The following DCLK1 variants were observed in gnomAD, a reference collection of about 807,000 sequenced individuals.
The protein encoded by DCLK1 is serine/threonine-protein kinase DCLK1.
DCLK1 carries 16 observed loss-of-function variants against 86.2 expected under a neutral mutation model. The ratio of observed to expected loss-of-function variants is 0.19; its 90% CI spans 0.13 to 0.28. The LOEUF is 0.28. DCLK1 is among the 10% of genes least tolerant of loss of function. The pLI is 1.00. For missense variants in DCLK1, 590 were observed against 940.2 expected (o/e 0.63, Z 4.87); for synonymous variants, 369 against 370.5 (o/e 1.00, Z 0.05).
intron 3 of DCLK1, among the ~76,000 whole-genome samples, chr13:35,954,348 C>T (rs1367554970): frequency 6.6e-6 from 1 of 152,104 alleles, no homozygotes; most frequent in East Asian, 1.9e-4. Flanking sequence ...GGCTCCTCGT[C>T]CTGCCAAAAC....
chr13:35,868,415 T>C (rs1872012047), intron 5 of DCLK1, among the ~76,000 whole-genome samples: 1 of 152,210 alleles, frequency 6.6e-6, no homozygotes, highest in Non-Finnish European at 1.5e-5. Flanking sequence ...ATATCTGTAA[T>C]ATAAAACACA....
chr13:35,989,930 T>G, intron 3 of DCLK1, among the ~76,000 whole-genome samples: 1 of 152,298 alleles, frequency 6.6e-6, no homozygotes, highest in East Asian at 1.9e-4. Flanking sequence ...ATAACTGATA[T>G]GTGATAAACT....
At chr13:36,081,902 C>T (rs1392098453) in intron 3 of DCLK1, among the ~76,000 whole-genome samples, 1 of 152,172 alleles carries the variant, frequency 6.6e-6, no homozygotes, top group East Asian at 1.9e-4. Flanking sequence ...AACAACAACG[C>T]TATAAGACCA....
chr13:35,814,734 G>A (rs1266212972), intron 11 of DCLK1, among the ~76,000 whole-genome samples: 1 of 152,212 alleles, frequency 6.6e-6, no homozygotes. Context: ...CTATTAAAGG[G>A]ACAGGGATTA....
At chr13:35,860,415 G>T (rs1871314275) in intron 5 of DCLK1, among the ~76,000 whole-genome samples, 1 of 151,950 alleles carries the variant, frequency 6.6e-6, no homozygotes, top group Non-Finnish European at 1.5e-5. Flanking sequence ...TTAGCTTCTT[G>T]GGTGCTCACC....
At chr13:36,096,925 C>T (rs1190383717) in intron 3 of DCLK1, among the ~76,000 whole-genome samples, 3 of 152,132 alleles carry the variant, frequency 2.0e-5, no homozygotes, top group Non-Finnish European at 2.9e-5. Context: ...CTCAGAAATG[C>T]CGTATGTGCA....
intron 3 of DCLK1, among the ~76,000 whole-genome samples, chr13:35,974,155 T>G (rs550119870): frequency 6.6e-6 from 1 of 152,304 alleles, no homozygotes; most frequent in African/African-American, 2.4e-5. Context: ...TCGTTGAGCA[T>G]TTGTTATTTG....
intron 3 of DCLK1, among the ~76,000 whole-genome samples, chr13:36,016,540 T>C (rs1349791417): frequency 6.6e-6 from 1 of 152,096 alleles, no homozygotes; most frequent in African/African-American, 2.4e-5. Context: ...AGCCAATAAT[T>C]ACCAAACAGT....
chr13:35,984,786 C>G (rs1002825366), intron 3 of DCLK1, among the ~76,000 whole-genome samples: 1 of 152,270 alleles, frequency 6.6e-6, no homozygotes. Flanking sequence ...CACTACCCCC[C>G]AGGCTTCTGT....
chr13:35,840,482 G>A (rs957691428), intron 6 of DCLK1, among the ~76,000 whole-genome samples: 1 of 152,096 alleles, frequency 6.6e-6, no homozygotes, highest in Admixed American at 6.6e-5. Flanking sequence ...GACACCATTG[G>A]GATGAAAGTT....
In DCLK1 at chr13:35,805,755, C is replaced by G; in HGVS notation, c.1888G>C (p.Val630Leu). Reference sequence around the variant, plus strand: ...GCAGAAAATCGCTGATCTACATCGACCAACAGCATCATGGTAATGAGCTCC... The same window carrying G: ...GCAGAAAATCGCTGATCTACATCGAGCAACAGCATCATGGTAATGAGCTCC... The part of the protein sequence containing the change: ...AKELITMMLL[V>L]DVDQRFSAVQ... The change falls in exon 15 of 17, where the codon GTC becomes CTC. Residue 630 changes from valine (V) to leucine (L), a missense_variant. By Grantham distance (32) the Val-to-Leu change is conservative. This residue lies in a region of DCLK1 where 146 missense variants were observed against 190.2 expected (regional missense o/e 0.77). Coordinates refer to ENST00000360631, the MANE Select transcript of DCLK1 (RefSeq NM_001330071.2). 1 of 1,613,712 alleles carries G rather than the reference C, an allele frequency of 6.2e-7. No homozygotes were observed. Among genetic ancestry groups the G allele is most frequent in the East Asian group, 2.2e-5 (1 of 44,834 alleles).
intron 3 of DCLK1, among the ~76,000 whole-genome samples, chr13:36,058,430 G>A (rs766474324): frequency 6.6e-6 from 1 of 152,208 alleles, no homozygotes; most frequent in Non-Finnish European, 1.5e-5. Context: ...TCAGGACTGA[G>A]AGGGAGATCT....
Position 36,037,779 on chromosome 13 carries a change from C to T in DCLK1, c.723+74090G>A, listed in dbSNP as rs187460333. ...GATTACAGGCATGAGCCACCATGCC[C>T]GGCCACCCTGATGTGATCTTTACAC... On this transcript the variant is annotated intron_variant, in intron 3 of 16. Transcript: ENST00000360631. Among the ~76,000 whole-genome samples, 308 of 152,124 alleles carry T rather than the reference C, an allele frequency of 2.0e-3. 1 individual carries two copies. Among genetic ancestry groups the T allele is most frequent in the African/African-American group, 7.2e-3 (298 of 41,490 alleles).
chr13:35,892,235 T>A lies in DCLK1; in HGVS notation c.824-20895A>T, dbSNP rs192350187. Among the ~76,000 whole-genome samples, 359 of 152,318 alleles carry A rather than the reference T, an allele frequency of 2.4e-3. 4 individuals are homozygous for A. The highest frequency in any genetic ancestry group is 1.9e-3 in the Non-Finnish European group (128 of 68,030). On this transcript the variant is annotated intron_variant, in intron 4 of 16. Transcript: ENST00000360631. ...TGGTAGACTTTGCTTGCTTCATACA[T>A]TTTAATCATTTAAGAGCTTTCACTA...
intron 3 of DCLK1, among the ~76,000 whole-genome samples, chr13:36,002,924 AGGCCTTGTCAGGGCAGTCCCCTGCCCT>A (rs1880784053): frequency 3.3e-5 from 5 of 152,182 alleles, no homozygotes; most frequent in Admixed American, 3.3e-4. Context: ...AGGGCTGGGG[AGGCCTTGTCAGGGCAGTCCCCTGCCCT>A]GGTCTGTGCT....
rs1382351837 is a variant in DCLK1 at position 35,864,508 on chromosome 13, T to G, written c.940+6716A>C. 4.8e-5 allele frequency among the ~76,000 whole-genome samples: 3 copies of G among 62,232 alleles called. 1 individual carries two copies. Among genetic ancestry groups the G allele is most frequent in the African/African-American group, 8.9e-5 (1 of 11,226 alleles). 40.8% of individuals were successfully genotyped at this position (62,232 alleles called of 152,430 possible). A position where few individuals can be genotyped will look rare whatever the true frequency, so the allele number is the denominator to read the frequency against. On this transcript the variant is annotated intron_variant, in intron 5 of 16. Transcript: ENST00000360631. The stretch of plus-strand genomic sequence containing the variant: ...TGAACCCGGGAGGCGGAGCTTGCAG[T>G]GAGCCGAGATCCCGCCACTGCACTC...
intron 4 of DCLK1, among the ~76,000 whole-genome samples, chr13:35,918,892 G>GTGTTTTTTTTTTTT (rs780502143): frequency 3.3e-4 from 25 of 76,324 alleles, no homozygotes; most frequent in African/African-American, 1.0e-3. Flanking sequence ...TTCTGAGTGT[G>GTGTTTTTTTTTTTT]TTTTTTTTTT....
chr13:35,869,375 A>G (rs912800384), intron 5 of DCLK1, among the ~76,000 whole-genome samples: 2 of 152,196 alleles, frequency 1.3e-5, no homozygotes, highest in East Asian at 3.9e-4. Context: ...CTCTGAGGCC[A>G]GGTCATTGCA....
intron 5 of DCLK1, chr13:35,855,516 T>G: frequency 6.2e-7 from 1 of 1,607,484 alleles, no homozygotes; most frequent in African/African-American, 1.3e-5. Context: ...TTACCTTCTA[T>G]GAGTTCTAAC....
Sources: gnomAD v4.1 joint callset for allele counts (sites outside exome capture counted in the v4.1 genomes callset) on GRCh38, gnomAD v4.1.1 for gene constraint, gnomAD v4.1.1 regional missense constraint, MANE v1.5 for transcripts, NCBI Gene and HGNC (gene_info 2026-07-23, HGNC 2026-07-21) for gene names.